CSMD1: variants seen among roughly 807,000 people sequenced by gnomAD.
CSMD1 encodes the protein CUB and Sushi multiple domains 1, also known as CUB and sushi domain-containing protein 1.
A neutral mutation model predicts 417.5 loss-of-function variants in CSMD1; 213 were observed. The observed-to-expected ratio is 0.51, with a 90% CI of 0.46 to 0.57. The LOEUF (loss-of-function observed/expected upper bound fraction) is 0.57, where lower values mean the gene tolerates loss of function less well. Among genes scored for constraint, CSMD1 ranks in the 20% least tolerant of loss-of-function variants. CSMD1 has a pLI of 0.00. For synonymous variants in CSMD1, 2,862 were observed against 1,736.8 expected (o/e 1.65, Z -16.11); for missense variants, 6,923 against 4,529.7 (o/e 1.53, Z -15.17).
chr8:4,530,211 C>A (rs115713338), intron 2 of CSMD1, among the ~76,000 whole-genome samples: 260 of 151,018 alleles, frequency 1.7e-3, no homozygotes, highest in African/African-American at 5.6e-3. Flanking sequence ...CCGCGCCAGG[C>A]CTGCCATTGT....
intron 1 of CSMD1, among the ~76,000 whole-genome samples, chr8:4,900,344 C>T (rs999344811): frequency 2.0e-5 from 3 of 152,204 alleles, no homozygotes; most frequent in Admixed American, 1.3e-4. Context: ...CATTTGTCAA[C>T]TTTCATGGCA....
At chr8:3,449,661 G>C (rs1815561545) in intron 12 of CSMD1, among the ~76,000 whole-genome samples, 1 of 152,056 alleles carries the variant, frequency 6.6e-6, no homozygotes, top group Admixed American at 6.6e-5. Context: ...GAGATTACAG[G>C]TGACTGCAAC....
chr8:3,791,246 A>G (rs996143844), intron 5 of CSMD1, among the ~76,000 whole-genome samples: 6 of 152,220 alleles, frequency 3.9e-5, no homozygotes, highest in Admixed American at 6.5e-5. Context: ...TAGAGATTCT[A>G]TAATTATATC....
At chr8:4,455,229 A>G (rs149720948) in intron 2 of CSMD1, among the ~76,000 whole-genome samples, 47 of 152,314 alleles carry the variant, frequency 3.1e-4, no homozygotes, top group African/African-American at 9.6e-4. Context: ...ATACTTCTCT[A>G]AAATATTTGT....
chr8:4,370,157 G>C (rs1305783681), intron 3 of CSMD1, among the ~76,000 whole-genome samples: 2 of 151,948 alleles, frequency 1.3e-5, no homozygotes, highest in Non-Finnish European at 2.9e-5. Context: ...AATTACCTTA[G>C]CTTTGGCTTT....
chr8:4,412,885 G>C (rs1219026008), intron 3 of CSMD1, among the ~76,000 whole-genome samples: 4 of 151,800 alleles, frequency 2.6e-5, no homozygotes, highest in African/African-American at 7.2e-5. Flanking sequence ...ACAAGAAAAA[G>C]AAAGACATAA....
chr8:4,437,161 T>A (rs751844573), intron 2 of CSMD1, among the ~76,000 whole-genome samples: 2 of 152,228 alleles, frequency 1.3e-5, no homozygotes, highest in South Asian at 2.1e-4. Context: ...GCAAATCCAA[T>A]CCAACAAAAC....
chr8:3,965,943 G>A (rs1812654266), intron 5 of CSMD1, among the ~76,000 whole-genome samples: 1 of 152,170 alleles, frequency 6.6e-6, no homozygotes. Context: ...TAAGAAATAA[G>A]AACTGTCAAG....
In CSMD1 at chr8:3,839,032, T is replaced by C. The variant is rs1295053675; in HGVS notation, c.819-84990A>G. ...TATATTTATATGTTGATATTATATA[T>C]ATTTATTATATATATAAAATATATA... On this transcript the variant is annotated intron_variant, in intron 5 of 69. Transcript: ENST00000635120. 1.5e-4 allele frequency among the ~76,000 whole-genome samples: 19 copies of C among 128,112 alleles called. No individual in the cohort carries two copies. The East Asian group carries it at 4.2e-3, about 29-fold the overall frequency. The allele number at this position is 128,112 out of a possible 152,430, so 84.0% of individuals were successfully genotyped here.
intron 26 of CSMD1, among the ~76,000 whole-genome samples, chr8:3,274,757 C>T (rs978142300): frequency 6.6e-6 from 1 of 151,960 alleles, no homozygotes; most frequent in Non-Finnish European, 1.5e-5. Flanking sequence ...CAACCCCTGC[C>T]TTTTTTTGTT....
chr8:3,690,695 A>G (rs1402127871), intron 7 of CSMD1, among the ~76,000 whole-genome samples: 1 of 152,184 alleles, frequency 6.6e-6, no homozygotes, highest in Non-Finnish European at 1.5e-5. Flanking sequence ...TGAGAAGTAC[A>G]TAAAGCGCAT....
intron 1 of CSMD1, among the ~76,000 whole-genome samples, chr8:4,835,982 G>A (rs764772438): frequency 2.6e-5 from 4 of 152,018 alleles, no homozygotes; most frequent in Non-Finnish European, 4.4e-5. Context: ...CCTTCTAAAT[G>A]TAAAATATCC....
intron 2 of CSMD1, among the ~76,000 whole-genome samples, chr8:4,495,444 G>C (rs532024968): frequency 2.6e-5 from 4 of 152,000 alleles, no homozygotes; most frequent in African/African-American, 9.7e-5. Context: ...GCCTGGTGAC[G>C]TGTGCCTGTA....
chr8:4,946,599 T>G (rs1808384981), intron 1 of CSMD1, among the ~76,000 whole-genome samples: 1 of 152,230 alleles, frequency 6.6e-6, no homozygotes, highest in African/African-American at 2.4e-5. Context: ...ATTCTAGGCT[T>G]ATGTCTAAGG....
chr8:2,979,614 T>C (rs1028511123), intron 54 of CSMD1, among the ~76,000 whole-genome samples: 1 of 152,164 alleles, frequency 6.6e-6, no homozygotes, highest in Non-Finnish European at 1.5e-5. Context: ...CAAATGAATC[T>C]CGGGCGGCCT....
chr8:3,142,846 T>A (rs1563082151), intron 40 of CSMD1, among the ~76,000 whole-genome samples, 172 bp from the exon 41 acceptor site: 1 of 152,212 alleles, frequency 6.6e-6, no homozygotes, highest in Non-Finnish European at 1.5e-5. Context: ...CCTGGCTCCA[T>A]CTTACCTCTG....
intron 4 of CSMD1, among the ~76,000 whole-genome samples, chr8:4,020,717 A>G (rs1796747330): frequency 1.3e-5 from 2 of 152,222 alleles, no homozygotes; most frequent in South Asian, 4.1e-4. Flanking sequence ...CGTGTTCCTC[A>G]AAGTCTTCTG....
At chr8:3,984,291 C>G (rs765417964) in intron 5 of CSMD1, among the ~76,000 whole-genome samples, 1 of 152,182 alleles carries the variant, frequency 6.6e-6, no homozygotes, top group African/African-American at 2.4e-5. Flanking sequence ...AATAAAATGT[C>G]ACACATGCAC....
chr8:4,882,802 C>T (rs1486568178), intron 1 of CSMD1, among the ~76,000 whole-genome samples: 1 of 151,930 alleles, frequency 6.6e-6, no homozygotes, highest in African/African-American at 2.4e-5. Context: ...CCTCCTTTTT[C>T]AGTAACAAAC....
Sources: gnomAD v4.1 joint callset for allele counts (sites outside exome capture counted in the v4.1 genomes callset) on GRCh38, gnomAD v4.1.1 for gene constraint, MANE v1.5 for transcripts, NCBI Gene and HGNC (gene_info 2026-07-23, HGNC 2026-07-21) for gene names.